Variants in PCDHGB6 observed in about 807,000 individuals in gnomAD.
PCDHGB6 encodes protocadherin gamma-B6.
A neutral mutation model predicts 59.1 loss-of-function variants in PCDHGB6; 51 were observed. That is an observed-to-expected ratio of 0.86 (90% confidence interval 0.69 to 1.09). The LOEUF (loss-of-function observed/expected upper bound fraction) is 1.09, where lower values mean the gene tolerates loss of function less well. PCDHGB6 is among the 50% of genes least tolerant of loss of function. The pLI, the probability that PCDHGB6 is intolerant of heterozygous loss-of-function variation, is 0.00. For synonymous variants in PCDHGB6, 466 were observed against 495.1 expected, an observed-to-expected ratio of 0.94 and a Z score of 0.78; for missense variants, 1,148 against 1,205.1, an observed-to-expected ratio of 0.95 and a Z score of 0.70.
At chr5:141,467,214 G>A (rs1333148694) in intron 1 of PCDHGB6, among the ~76,000 whole-genome samples, 1 of 151,856 alleles carries the variant, frequency 6.6e-6, no homozygotes, top group Admixed American at 6.6e-5. Context: ...CACCATGCCT[G>A]GCTAATTTTT....
chr5:141,421,512 G>T, intron 1 of PCDHGB6: 2 of 1,614,094 alleles, frequency 1.2e-6, no homozygotes, highest in Non-Finnish European at 1.7e-6. Context: ...ACCGGGAGGA[G>T]CTCTGTGAGA....
At chr5:141,434,265 GA>G (rs2097683598) in intron 1 of PCDHGB6, among the ~76,000 whole-genome samples, 1 of 152,186 alleles carries the variant, frequency 6.6e-6, no homozygotes, top group South Asian at 2.1e-4. Context: ...GGGGGAGGTG[GA>G]AATTAGAGGT....
Position 141,477,514 on chromosome 5 carries a change from T to G in PCDHGB6, c.2419-17293T>G. 1 of 1,614,114 alleles carries G rather than the reference T, an allele frequency of 6.2e-7. No individual in the cohort carries two copies. Among genetic ancestry groups the G allele is most frequent in the Non-Finnish European group, 8.5e-7 (1 of 1,180,026 alleles). On this transcript the variant is annotated intron_variant, in intron 1 of 3. Coordinates refer to ENST00000520790, the MANE Select transcript of PCDHGB6 (RefSeq NM_018926.3). The surrounding 1 kb of genome is among the most constrained non-coding windows in gnomAD (Gnocchi z 4.9). Reference sequence around the variant, plus strand: ...CTCAATCTTCCTACGACGTTTACATTGAAGAAAACAACCTCCCCGGGGCTC... The same window carrying G: ...CTCAATCTTCCTACGACGTTTACATGGAAGAAAACAACCTCCCCGGGGCTC...
chr5:141,420,244 C>A lies in PCDHGB6; in HGVS notation c.2418+9624C>A, dbSNP rs755775597. On this transcript the variant is annotated intron_variant, in intron 1 of 3. Coordinates refer to ENST00000520790, the MANE Select transcript of PCDHGB6 (RefSeq NM_018926.3). ...TACTGGCTAGCATTTTAACTCCCAGCGTTGAAGCAGATAAGAAGATTCTTA... is the reference window on the plus strand; with the variant it reads ...TACTGGCTAGCATTTTAACTCCCAGAGTTGAAGCAGATAAGAAGATTCTTA... 83 of 1,584,438 alleles carry A rather than the reference C, an allele frequency of 5.2e-5. 1 individual carries two copies. The South Asian group carries it at 9.4e-4, about 18-fold the overall frequency.
chr5:141,490,942 C>G lies in PCDHGB6; in HGVS notation c.2419-3865C>G. 1 of 1,613,644 alleles carries G rather than the reference C, an allele frequency of 6.2e-7. No individual in the cohort carries two copies. Among genetic ancestry groups the G allele is most frequent in the Non-Finnish European group, 8.5e-7 (1 of 1,179,760 alleles). On this transcript the variant is annotated intron_variant, in intron 1 of 3. Transcript: ENST00000520790. This position sits in a 1 kb window ranked among gnomAD's most constrained non-coding sequence, Gnocchi z 5.4. ...TAATGCCCCAGCTGTGCTGCACCCA[C>G]GGCCAGACTGGGAACACTCAGCCCC...
chr5:141,464,583 C>T (rs768431243), intron 1 of PCDHGB6, among the ~76,000 whole-genome samples: 6 of 152,024 alleles, frequency 3.9e-5, no homozygotes, highest in Admixed American at 2.0e-4. Context: ...TGAGAATGTC[C>T]ATTGTCCCAT....
At chr5:141,457,677 T>C (rs1386991642) in intron 1 of PCDHGB6, among the ~76,000 whole-genome samples, 1 of 152,262 alleles carries the variant, frequency 6.6e-6, no homozygotes, top group Non-Finnish European at 1.5e-5. Flanking sequence ...TATTTCTACA[T>C]AGGACTTTTG....
At chr5:141,460,569 T>C (rs1234392082) in intron 1 of PCDHGB6, among the ~76,000 whole-genome samples, 2 of 152,100 alleles carry the variant, frequency 1.3e-5, no homozygotes, top group Admixed American at 1.3e-4. Context: ...GCCATGGACA[T>C]ATGTAGGTGT....
chr5:141,417,711 C>A, intron 1 of PCDHGB6: 1 of 1,261,876 alleles, frequency 7.9e-7, no homozygotes, highest in Non-Finnish European at 1.1e-6. Flanking sequence ...CACAGAGGCT[C>A]CCGGCTGCGC....
At chr5:141,415,641 T>TA (rs113784532) in intron 1 of PCDHGB6, 91,654 of 1,192,004 alleles carry the variant, frequency 0.077, 689 homozygotes, top group South Asian at 0.099. Context: ...TTACTTTTGT[T>TA]AAAAAAAAAA....
intron 2 of PCDHGB6, among the ~76,000 whole-genome samples, chr5:141,500,844 T>C (rs190011905): frequency 6.6e-6 from 1 of 152,204 alleles, no homozygotes; most frequent in Non-Finnish European, 1.5e-5. Flanking sequence ...AATGGGCTTT[T>C]GCTACATTAG....
intron 2 of PCDHGB6, among the ~76,000 whole-genome samples, chr5:141,500,904 C>T (rs2099803610): frequency 6.6e-6 from 1 of 151,662 alleles, no homozygotes; most frequent in Non-Finnish European, 1.5e-5. Context: ...CAGTCTCGCT[C>T]TGTCTCCAGG....
chr5:141,457,441 G>A (rs941085406), intron 1 of PCDHGB6, among the ~76,000 whole-genome samples: 1 of 152,134 alleles, frequency 6.6e-6, no homozygotes, highest in African/African-American at 2.4e-5. Flanking sequence ...CCAAGCTGCA[G>A]AAGATCACCA....
intron 1 of PCDHGB6, chr5:141,419,444 G>A: frequency 6.2e-7 from 1 of 1,613,088 alleles, no homozygotes; most frequent in Non-Finnish European, 8.5e-7. Context: ...GCGCACCTTC[G>A]AGCTCACGCT....
At chr5:141,509,507 T>G (rs2099877110) in intron 3 of PCDHGB6, among the ~76,000 whole-genome samples, 1 of 151,792 alleles carries the variant, frequency 6.6e-6, no homozygotes, top group African/African-American at 2.4e-5. Flanking sequence ...GATGTGACGG[T>G]GTTGATGATG....
rs376621545 is a variant in PCDHGB6, at chr5:141,422,143, G to A, written c.2418+11523G>A. The stretch of plus-strand genomic sequence containing the variant: ...ACAAACTGGAGAAGTTCAAGTACGG[G>A]GGTCTCTGGATTTTGAAAAATATAG... On this transcript the variant is annotated intron_variant, in intron 1 of 3. Transcript: ENST00000520790. 36 of 1,583,638 alleles carry A rather than the reference G, an allele frequency of 2.3e-5. No individual in the cohort carries two copies. The African/African-American group carries it at 3.8e-4, about 17-fold the overall frequency.
intron 3 of PCDHGB6, among the ~76,000 whole-genome samples, chr5:141,510,424 C>T (rs2154594619): frequency 6.6e-6 from 1 of 152,236 alleles, no homozygotes; most frequent in South Asian, 2.1e-4. Flanking sequence ...GCCATGGTTT[C>T]ATGGCTGCTG....
In PCDHGB6 at chr5:141,450,826, A is replaced by AT. The variant is rs764729742; in HGVS notation, c.2418+40208dup. On this transcript the variant is annotated intron_variant, in intron 1 of 3. Coordinates refer to ENST00000520790, the MANE Select transcript of PCDHGB6 (RefSeq NM_018926.3). ...TATTTATTTATTTAATATTATTATT[A>AT]TTATTTTTTTTTTTTTGAGATGGGG... Among the ~76,000 whole-genome samples, 613 of 134,334 alleles carry AT rather than the reference A, an allele frequency of 4.6e-3. 5 individuals are homozygous for AT. Among genetic ancestry groups the AT allele is most frequent in the African/African-American group, 9.0e-3 (309 of 34,288 alleles). 88.1% of individuals were successfully genotyped at this position (134,334 alleles called of 152,430 possible).
At chr5:141,500,991 C>T (rs2099804636) in intron 2 of PCDHGB6, among the ~76,000 whole-genome samples, 1 of 152,024 alleles carries the variant, frequency 6.6e-6, no homozygotes, top group South Asian at 2.1e-4. Flanking sequence ...GCCTCAGCCT[C>T]CTGAGTAGCT....
Sources: allele counts gnomAD v4.1 joint callset (sites outside exome capture counted in the v4.1 genomes callset), GRCh38; gene constraint gnomAD v4.1.1; non-coding constraint Gnocchi (gnomAD v3.1); transcripts MANE v1.5; gene names NCBI Gene and HGNC (gene_info 2026-07-23, HGNC 2026-07-21).